The following ADAM2 variants were observed in gnomAD, a reference collection of about 807,000 sequenced individuals.
The protein encoded by ADAM2 is disintegrin and metalloproteinase domain-containing protein 2.
A neutral mutation model predicts 99.3 loss-of-function variants in ADAM2; 101 were observed. That is an observed-to-expected ratio of 1.02 (90% CI 0.87 to 1.20). ADAM2 has a LOEUF of 1.20. Among genes scored for constraint, ADAM2 ranks in the 50% most tolerant of loss-of-function variants. The pLI, the probability that ADAM2 is intolerant of heterozygous loss-of-function variation, is 0.00. For synonymous variants in ADAM2, 323 were observed against 287.6 expected (o/e 1.12, Z -1.25); for missense variants, 948 against 878.7 (o/e 1.08, Z -1.00).
intron 11 of ADAM2, 85 bp from the exon 12 acceptor site, chr8:39,769,660 C>T (rs1802702782): frequency 1.2e-6 from 1 of 826,100 alleles, no homozygotes; most frequent in Admixed American, 2.7e-5. Flanking sequence ...AACAGCATTC[C>T]ACAACAGACC....
At chr8:39,783,764 A>G (rs1376034198) in intron 10 of ADAM2, among the ~76,000 whole-genome samples, 1 of 152,060 alleles carries the variant, frequency 6.6e-6, no homozygotes, top group Admixed American at 6.6e-5. Context: ...ATCCTGGCTA[A>G]CATGGTGAAA....
chr8:39,749,272 T>C, intron 18 of ADAM2, 40 bp downstream of exon 18: 2 of 1,515,708 alleles, frequency 1.3e-6, no homozygotes, highest in Non-Finnish European at 1.8e-6. Context: ...TAAATTCAAA[T>C]TATGTTTTAA....
intron 11 of ADAM2, 147 bp from the exon 12 acceptor site, chr8:39,769,722 T>C: frequency 5.1e-6 from 3 of 592,346 alleles, no homozygotes; most frequent in African/African-American, 1.9e-5. Context: ...GCATGGGAAG[T>C]CAACTGTGCA....
chr8:39,786,038 A>G (rs563260064), intron 10 of ADAM2, among the ~76,000 whole-genome samples: 62 of 152,296 alleles, frequency 4.1e-4, no homozygotes, highest in Non-Finnish European at 7.9e-4. Flanking sequence ...CTATTATTCT[A>G]AGTGAATTAA....
intron 7 of ADAM2, among the ~76,000 whole-genome samples, chr8:39,793,931 A>G (rs925013492): frequency 1.3e-5 from 2 of 152,164 alleles, no homozygotes; most frequent in Non-Finnish European, 2.9e-5. Context: ...TGAAATGGAA[A>G]TTTGGAAGAT....
At chr8:39,790,623 G>A (rs1803669728) in intron 7 of ADAM2, among the ~76,000 whole-genome samples, 1 of 151,826 alleles carries the variant, frequency 6.6e-6, no homozygotes. Flanking sequence ...ATTATTGTTT[G>A]CACAAATCTG....
intron 10 of ADAM2, among the ~76,000 whole-genome samples, chr8:39,785,476 A>T (rs189001564): frequency 2.6e-4 from 40 of 152,328 alleles, no homozygotes; most frequent in Admixed American, 1.8e-3. Flanking sequence ...AAATAACTTA[A>T]AACAGAACTA....
intron 6 of ADAM2, among the ~76,000 whole-genome samples, chr8:39,810,003 G>T (rs1039696464): frequency 2.0e-5 from 3 of 152,142 alleles, no homozygotes; most frequent in Admixed American, 6.5e-5. Context: ...TGGATAAAGA[G>T]TCAAGACCCA....
At chr8:39,828,432 T>G (rs1805495163) in intron 3 of ADAM2, among the ~76,000 whole-genome samples, 1 of 151,826 alleles carries the variant, frequency 6.6e-6, no homozygotes, top group Non-Finnish European at 1.5e-5. Flanking sequence ...AGTAAAAGAA[T>G]GTATAACAAA....
At chr8:39,802,026 C>T (rs543202139) in intron 7 of ADAM2, among the ~76,000 whole-genome samples, 8 of 152,342 alleles carry the variant, frequency 5.3e-5, no homozygotes, top group African/African-American at 1.9e-4. Context: ...GTGCTGGCTG[C>T]CCCTCCCTGG....
intron 7 of ADAM2, among the ~76,000 whole-genome samples, chr8:39,793,348 C>T (rs1039710270): frequency 1.3e-5 from 2 of 151,992 alleles, no homozygotes; most frequent in Non-Finnish European, 2.9e-5. Context: ...TAAAATGGAC[C>T]TTAATTGGGT....
intron 16 of ADAM2, among the ~76,000 whole-genome samples, chr8:39,755,231 A>G (rs1040367049): frequency 6.6e-6 from 1 of 152,238 alleles, no homozygotes; most frequent in Non-Finnish European, 1.5e-5. Flanking sequence ...TCAATGAAAA[A>G]GTTACTAAAT....
intron 6 of ADAM2, among the ~76,000 whole-genome samples, chr8:39,820,250 C>T (rs1805121254): frequency 6.6e-6 from 1 of 152,120 alleles, no homozygotes; most frequent in South Asian, 2.1e-4. Flanking sequence ...TCAAGTGATG[C>T]ATAAATTATC....
chr8:39,831,427 G>A (rs549793135), intron 3 of ADAM2, among the ~76,000 whole-genome samples: 13 of 152,192 alleles, frequency 8.5e-5, no homozygotes, highest in African/African-American at 3.1e-4. Context: ...AAAGATTAGA[G>A]GATGGTGGAA....
intron 14 of ADAM2, among the ~76,000 whole-genome samples, chr8:39,765,451 T>C (rs941586335): frequency 6.6e-6 from 1 of 152,176 alleles, no homozygotes; most frequent in African/African-American, 2.4e-5. Flanking sequence ...CATATATAAA[T>C]AGAACAACTA....
intron 6 of ADAM2, chr8:39,818,033 A>G (rs990651777): frequency 9.2e-5 from 14 of 152,016 alleles, no homozygotes; most frequent in Non-Finnish European, 5.9e-5. Flanking sequence ...ATCCTCCACA[A>G]AGTCTTCCAG....
chr8:39,761,317 T>G (rs776392501), intron 14 of ADAM2, 36 bp from the exon 15 acceptor site: 1 of 1,228,794 alleles, frequency 8.1e-7, no homozygotes. Flanking sequence ...CATATTAAAC[T>G]TATATTAATT....
At chr8:39,825,707 G>A (rs907872892) in intron 3 of ADAM2, among the ~76,000 whole-genome samples, 3 of 151,706 alleles carry the variant, frequency 2.0e-5, no homozygotes, top group Admixed American at 6.6e-5. Flanking sequence ...TTGAAGAAAC[G>A]AATAATTCTT....
At chr8:39,814,566 GTAT>G (rs1204763660) in intron 6 of ADAM2, among the ~76,000 whole-genome samples, 5 of 152,116 alleles carry the variant, frequency 3.3e-5, no homozygotes, top group African/African-American at 1.2e-4. Flanking sequence ...TTTGCAATAT[GTAT>G]GAATGAAATA....
Sources: gnomAD v4.1 joint callset for allele counts (sites outside exome capture counted in the v4.1 genomes callset) on GRCh38, gnomAD v4.1.1 for gene constraint, MANE v1.5 for transcripts, NCBI Gene and HGNC (gene_info 2026-07-23, HGNC 2026-07-21) for gene names.